Variants in NR1H3 observed in about 807,000 individuals in gnomAD.
NR1H3 encodes nuclear receptor subfamily 1 group H member 3.
NR1H3 carries 19 observed loss-of-function variants against 48.1 expected under a neutral mutation model. That is an observed-to-expected ratio of 0.40 (90% CI 0.28 to 0.58). The LOEUF is 0.58. NR1H3 is among the 20% of genes least tolerant of loss of function. The pLI, the probability that NR1H3 is intolerant of heterozygous loss-of-function variation, is 0.50. For missense variants in NR1H3, 486 were observed against 595.9 expected, an observed-to-expected ratio of 0.82 and a Z score of 1.92; for synonymous variants, 232 against 227.3, an observed-to-expected ratio of 1.02 and a Z score of -0.19.
At chr11:47,248,789 T>C, upstream of NR1H3, 1 of 1,591,050 alleles carries the variant, frequency 6.3e-7, no homozygotes, top group Non-Finnish European at 8.6e-7. Context: ...TTGCCCGCCA[T>C]CACCGTTGTA....
In NR1H3 at chr11:47,268,536, T is replaced by C. The variant is rs1393131835; in HGVS notation, c.1198-14T>C. 2.5e-6 allele frequency: 4 copies of C among 1,614,044 alleles called. No homozygotes were observed. The highest frequency in any genetic ancestry group is 1.7e-5 in the Admixed American group (1 of 59,998). ...GACAGGCAAAAGCTGTGTTTGTCTC[T>C]CTCCTTTCCCCAGGACCGACTGATG... On this transcript the variant is annotated splice_polypyrimidine_tract_variant and intron_variant, in intron 9 of 9. Coordinates refer to ENST00000441012, the MANE Select transcript of NR1H3 (RefSeq NM_005693.4).
chr11:47,259,470 G>T, intron 2 of NR1H3: 1 of 1,549,930 alleles, frequency 6.5e-7, no homozygotes, highest in South Asian at 1.2e-5. Flanking sequence ...CCCCAGTCTG[G>T]ATTTGCTGCT....
At chr11:47,252,391 A>G (rs1414309355) in intron 1 of NR1H3, among the ~76,000 whole-genome samples, 1 of 151,804 alleles carries the variant, frequency 6.6e-6, no homozygotes. Context: ...CCTCCCGAGT[A>G]GCTGGGATTA....
chr11:47,259,653 C>G, intron 2 of NR1H3, 138 bp from the exon 3 acceptor site: 6 of 1,506,218 alleles, frequency 4.0e-6, no homozygotes, highest in Non-Finnish European at 4.4e-6. Flanking sequence ...CACACAGACT[C>G]TAGGGTCCCA....
intron 4 of NR1H3, 63 bp from the exon 5 acceptor site, chr11:47,261,178 C>T: frequency 4.9e-6 from 6 of 1,217,318 alleles, no homozygotes; most frequent in Non-Finnish European, 6.9e-6. Context: ...CTGTCTTTCC[C>T]CCACCCCCTT....
At chr11:47,248,928 GA>G in exon 1 of NR1H3, 2 of 1,536,600 alleles carry the variant, frequency 1.3e-6, no homozygotes, top group Non-Finnish European at 8.7e-7. Flanking sequence ...GGGGTGCGGG[GA>G]AAAGGCGCAG....
At chr11:47,248,496 C>T (rs1954313521), upstream of NR1H3, 1 of 1,550,554 alleles carries the variant, frequency 6.4e-7, no homozygotes, top group Non-Finnish European at 8.7e-7. Flanking sequence ...CCGACGTATT[C>T]GGTCATCCTG....
intron 1 of NR1H3, chr11:47,258,680 A>C (rs1203752264): frequency 6.3e-6 from 1 of 157,696 alleles, no homozygotes; most frequent in East Asian, 1.9e-4. Context: ...CTGAGCCAGG[A>C]GCAGTAGCGT....
At position 47,261,247 on chromosome 11, in the gene NR1H3, T is replaced by A; in HGVS notation, c.506T>A (p.Leu169Gln). Residue 169 changes from leucine to glutamine, a missense_variant, in exon 5 of 10, where the codon CTG (leucine) becomes CAG (glutamine). Physicochemically the swap from Leu to Gln is moderately radical, Grantham distance 113. Coordinates refer to ENST00000441012, the MANE Select transcript of NR1H3 (RefSeq NM_005693.4). ...TATTTGGCCCTGTCCTTAGGTGTCC[T>A]GTCAGAAGAACAGATCCGCCTGAAG... ...RQAGMREECV[L>Q]SEEQIRLKKL... 6.5e-7 allele frequency: 1 copy of A among 1,549,574 alleles called. No individual in the cohort carries two copies. Among genetic ancestry groups the A allele is most frequent in the Non-Finnish European group, 8.8e-7 (1 of 1,141,416 alleles).
intron 7 of NR1H3, among the ~76,000 whole-genome samples, chr11:47,264,546 C>T (rs1186939971): frequency 1.3e-5 from 2 of 152,178 alleles, no homozygotes; most frequent in African/African-American, 4.8e-5. Flanking sequence ...ACCACTTTTT[C>T]CTCGATGGTT....
intron 7 of NR1H3, among the ~76,000 whole-genome samples, chr11:47,265,833 C>T (rs1956406851): frequency 1.3e-5 from 2 of 152,198 alleles, no homozygotes; most frequent in African/African-American, 4.8e-5. Context: ...GATCATGCAA[C>T]TGCACTCTAG....
At chr11:47,266,203 C>G (rs560873228) in intron 7 of NR1H3, among the ~76,000 whole-genome samples, 118 of 152,214 alleles carry the variant, frequency 7.8e-4, no homozygotes, top group African/African-American at 2.8e-3. Context: ...GAAACAGGGT[C>G]TCGCTCTGTC....
At chr11:47,256,935 T>G (rs932300595), upstream of NR1H3, among the ~76,000 whole-genome samples, 2 of 152,048 alleles carry the variant, frequency 1.3e-5, no homozygotes, top group Admixed American at 1.3e-4. Flanking sequence ...TTTCACCGTG[T>G]TAGCCAGGAT....
Position 47,260,551 on chromosome 11 carries a change from C to T in NR1H3, c.375C>T (p.Ser125=), listed in dbSNP as rs1332210560. ...CEGCKGFFRR[S]VIKGAHYICH... ...GCTGCAAGGGATTCTTCCGCCGCAG[C>T]GTCATCAAGGGAGCGCACTACATCT... is the stretch of plus-strand genomic sequence containing the variant. The change falls in exon 4 of 10, where the codon AGC becomes AGT. Residue 125 remains serine (S), a synonymous_variant. Transcript: ENST00000441012. The T allele has an allele frequency of 2.4e-5, 39 of 1,614,096 alleles. No homozygotes were observed. The highest frequency in any genetic ancestry group is 3.1e-5 in the Non-Finnish European group (36 of 1,180,062).
At chr11:47,254,919 G>C (rs946991387), upstream of NR1H3, among the ~76,000 whole-genome samples, 1 of 151,964 alleles carries the variant, frequency 6.6e-6, no homozygotes, top group South Asian at 2.1e-4. Context: ...CATCTGTTTC[G>C]GTCTCTTTGG....
At chr11:47,256,799 C>T (rs377255856), upstream of NR1H3, among the ~76,000 whole-genome samples, 5 of 148,844 alleles carry the variant, frequency 3.4e-5, no homozygotes, top group Admixed American at 6.7e-5. Flanking sequence ...GGCGCAATCT[C>T]GGCTCACTGC....
upstream of NR1H3, among the ~76,000 whole-genome samples, chr11:47,253,410 C>T (rs956500610): frequency 6.6e-6 from 1 of 152,170 alleles, no homozygotes; most frequent in African/African-American, 2.4e-5. Context: ...TCCTTTCTGC[C>T]TTCTGTATCA....
intron 7 of NR1H3, 128 bp downstream of exon 7, chr11:47,262,146 G>A (rs1955953294): frequency 9.3e-6 from 6 of 643,274 alleles, no homozygotes; most frequent in Admixed American, 5.7e-5. Context: ...TTGGGAGGCC[G>A]AGGTGGGCAG....
upstream of NR1H3, among the ~76,000 whole-genome samples, chr11:47,253,207 G>A (rs556294180): frequency 1.3e-5 from 2 of 149,724 alleles, no homozygotes; most frequent in African/African-American, 2.5e-5. Context: ...GGACTCAAGC[G>A]ATCTGCCCTT....
Sources: allele counts gnomAD v4.1 joint callset (sites outside exome capture counted in the v4.1 genomes callset), GRCh38; gene constraint gnomAD v4.1.1; transcripts MANE v1.5; gene names NCBI Gene and HGNC (gene_info 2026-07-23, HGNC 2026-07-21).